CD109: variants seen among roughly 807,000 people sequenced by gnomAD.
The protein encoded by CD109 is CD109 antigen.
Under a neutral mutation model 165.8 loss-of-function variants are expected in CD109, and 149 were observed. The observed-to-expected ratio is 0.90, with a 90% CI of 0.79 to 1.03. The LOEUF (loss-of-function observed/expected upper bound fraction) is 1.03. CD109 is among the 50% of genes least tolerant of loss of function. CD109 has a pLI of 0.00. For synonymous variants in CD109, 585 were observed against 592.1 expected (o/e 0.99, Z 0.18); for missense variants, 1,712 against 1,677.8 (o/e 1.02, Z -0.36).
Position 73,815,128 on chromosome 6 carries a change from G to C in CD109, c.3911+5G>C, listed in dbSNP as rs41266755. ...GGATTTGAATGTGTGTACAAGGTAA[G>C]TGTCTGCTTAGGTCTCTCTTCTTTT... On this transcript the variant is annotated splice_donor_5th_base_variant and intron_variant, in intron 30 of 32. Coordinates refer to ENST00000287097, the MANE Select transcript of CD109 (RefSeq NM_133493.5). The C allele has an allele frequency of 1.3e-6, 2 of 1,568,708 alleles. No homozygotes were observed. Among genetic ancestry groups the C allele is most frequent in the South Asian group, 2.4e-5 (2 of 81,718 alleles).
intron 32 of CD109, among the ~76,000 whole-genome samples, chr6:73,821,176 G>C (rs1472689838): frequency 1.3e-5 from 2 of 152,114 alleles, no homozygotes; most frequent in Non-Finnish European, 2.9e-5. Context: ...GGGGAGGAGG[G>C]AGGGATAGCA....
intron 2 of CD109, among the ~76,000 whole-genome samples, chr6:73,699,057 TG>T (rs755186238): frequency 2.6e-5 from 4 of 152,246 alleles, no homozygotes; most frequent in Non-Finnish European, 5.9e-5. Flanking sequence ...CCTTTTTACA[TG>T]GGGGCAGACT....
chr6:73,767,701 G>T (rs955533518), intron 13 of CD109, among the ~76,000 whole-genome samples: 4 of 151,936 alleles, frequency 2.6e-5, no homozygotes, highest in Non-Finnish European at 5.9e-5. Flanking sequence ...ATTCATTATA[G>T]AAAATTATAC....
the CD109 span, among the ~76,000 whole-genome samples, chr6:73,685,255 T>C: frequency 6.6e-6 from 1 of 152,244 alleles, no homozygotes; most frequent in East Asian, 1.9e-4. Context: ...TAGTTTGAGT[T>C]CCTTATATAT....
chr6:73,687,215 T>C, the CD109 span, among the ~76,000 whole-genome samples: 1 of 152,170 alleles, frequency 6.6e-6, no homozygotes, highest in Non-Finnish European at 1.5e-5. Flanking sequence ...GGTTACCCAG[T>C]GATCAGTTCA....
chr6:73,760,143 C>G (rs989514300), intron 7 of CD109, among the ~76,000 whole-genome samples: 9 of 152,198 alleles, frequency 5.9e-5, no homozygotes, highest in African/African-American at 2.2e-4. Context: ...CGCAGTGGCT[C>G]ACGCCTGTAA....
At chr6:73,730,714 A>C in intron 4 of CD109, 140 bp downstream of exon 4, 2 of 633,092 alleles carry the variant, frequency 3.2e-6, no homozygotes, top group South Asian at 3.9e-5. Flanking sequence ...GAACTCCTCT[A>C]ATAGGAAAGA....
chr6:73,693,316 A>G (rs1475565437), upstream of CD109, among the ~76,000 whole-genome samples: 1 of 152,062 alleles, frequency 6.6e-6, no homozygotes, highest in Non-Finnish European at 1.5e-5. Context: ...GAAACAAGAG[A>G]AGCAGGAGGT....
At chr6:73,716,694 TG>T (rs1290820869) in intron 2 of CD109, among the ~76,000 whole-genome samples, 2 of 152,236 alleles carry the variant, frequency 1.3e-5, no homozygotes, top group Admixed American at 1.3e-4. Context: ...CCTTGTGAGA[TG>T]AGTAGTTACA....
the CD109 span, among the ~76,000 whole-genome samples, chr6:73,686,334 G>C: frequency 2.6e-5 from 4 of 152,116 alleles, no homozygotes; most frequent in African/African-American, 9.7e-5. Flanking sequence ...AAATTTATTT[G>C]TTGAAGGAAT....
rs544522678 is a variant in CD109 at position 73,730,380 on chromosome 6, C to T, written c.313C>T (p.Arg105Cys). 4.9e-4 allele frequency: 783 copies of T among 1,613,640 alleles called. 7 individuals carry two copies. In the South Asian group the frequency reaches 8.0e-3, roughly 17 times the overall value. ...CAGTGCAGATGAGATTTATGAGCTA[C>T]GTGTAACCGGACGTACCCAGGATGA... ...LNSADEIYEL[R>C]VTGRTQDEIL... The change falls in exon 4 of 33, where the codon CGT becomes TGT. Residue 105 changes from arginine (R) to cysteine (C), a missense_variant. Transcript: ENST00000287097.
intron 2 of CD109, among the ~76,000 whole-genome samples, chr6:73,721,827 C>G (rs1036997145): frequency 7.9e-5 from 12 of 152,238 alleles, no homozygotes; most frequent in African/African-American, 2.9e-4. Flanking sequence ...ACCTCCACCT[C>G]CTGGGTTCAA....
chr6:73,789,181 C>T (rs1337732095), intron 22 of CD109, among the ~76,000 whole-genome samples: 1 of 152,154 alleles, frequency 6.6e-6, no homozygotes, highest in Non-Finnish European at 1.5e-5. Flanking sequence ...GTTGAGTACT[C>T]CTCCCTAGGG....
chr6:73,752,766 G>T (rs1470077001), intron 5 of CD109, among the ~76,000 whole-genome samples: 1 of 152,218 alleles, frequency 6.6e-6, no homozygotes, highest in Non-Finnish European at 1.5e-5. Flanking sequence ...TGCTGCCCAA[G>T]TATTTAAGCC....
At chr6:73,741,568 C>A (rs1299010950) in intron 5 of CD109, among the ~76,000 whole-genome samples, 2 of 152,184 alleles carry the variant, frequency 1.3e-5, no homozygotes, top group African/African-American at 4.8e-5. Flanking sequence ...CCTTTATTTT[C>A]ATTTCTTTGC....
chr6:73,762,539 A>T (rs1773675777), intron 8 of CD109, 59 bp downstream of exon 8: 1 of 1,210,876 alleles, frequency 8.3e-7, no homozygotes, highest in African/African-American at 1.5e-5. Context: ...TTTTTCTAGA[A>T]ATAAGATTTA....
At chr6:73,731,382 C>T (rs1444169403) in intron 4 of CD109, among the ~76,000 whole-genome samples, 2 of 152,146 alleles carry the variant, frequency 1.3e-5, no homozygotes, top group African/African-American at 4.8e-5. Flanking sequence ...GAGCAGAGAG[C>T]CAAAGGCAGT....
chr6:73,707,996 ATATATATATATATT>A (rs1203530713), intron 2 of CD109, among the ~76,000 whole-genome samples: 3 of 54,624 alleles, frequency 5.5e-5, no homozygotes, highest in African/African-American at 1.2e-4. Context: ...ATATATATAT[ATATATATATATATT>A]TATTATACTT....
chr6:73,761,031 ACACAC>A (rs1773606317), intron 7 of CD109, among the ~76,000 whole-genome samples: 1 of 144,998 alleles, frequency 6.9e-6, no homozygotes, highest in Non-Finnish European at 1.6e-5. Flanking sequence ...ACACACACAC[ACACAC>A]ACACACACAC....
Sources: allele counts gnomAD v4.1 joint callset (sites outside exome capture counted in the v4.1 genomes callset), GRCh38; gene constraint gnomAD v4.1.1; transcripts MANE v1.5; gene names NCBI Gene and HGNC (gene_info 2026-07-23, HGNC 2026-07-21).